KCNJ6: variants seen among roughly 807,000 people sequenced by gnomAD.
KCNJ6 encodes the protein G protein-activated inward rectifier potassium channel 2.
Under a neutral mutation model 34.2 loss-of-function variants are expected in KCNJ6, and 9 were observed. The ratio of observed to expected loss-of-function variants is 0.26; its 90% CI spans 0.16 to 0.46. The LOEUF (loss-of-function observed/expected upper bound fraction) is 0.46. Ranked by LOEUF, KCNJ6 falls within the 20% of genes least tolerant of loss-of-function variation. KCNJ6 has a pLI of 1.00. For synonymous variants in KCNJ6, 196 were observed against 207.1 expected, an observed-to-expected ratio of 0.95 and a Z score of 0.46; for missense variants, 236 against 531.3, an observed-to-expected ratio of 0.44 and a Z score of 5.46.
chr21:37,825,166 T>C (rs919235252), intron 2 of KCNJ6, among the ~76,000 whole-genome samples: 1 of 152,222 alleles, frequency 6.6e-6, no homozygotes, highest in Non-Finnish European at 1.5e-5. Context: ...TTTGGCCATA[T>C]AAAGTTTGGC....
rs183496448 is a variant in KCNJ6 at position 37,662,197 on chromosome 21, A to T, written c.947-36713T>A. Among the ~76,000 whole-genome samples the T allele has an allele frequency of 2.5e-3, 373 of 152,170 alleles. 2 individuals carry two copies. The highest frequency in any genetic ancestry group is 3.9e-3 in the Non-Finnish European group (268 of 68,006). On this transcript the variant is annotated intron_variant, in intron 3 of 3. Coordinates refer to ENST00000609713, the MANE Select transcript of KCNJ6 (RefSeq NM_002240.5). The stretch of plus-strand genomic sequence containing the variant: ...GGTGGTTTGCTGCATCTATCAACCC[A>T]TCACCTAGGTACTAAGCCCAGCAAG...
chr21:37,645,615 C>A (rs2054400621), intron 3 of KCNJ6, among the ~76,000 whole-genome samples: 1 of 151,386 alleles, frequency 6.6e-6, no homozygotes, highest in Non-Finnish European at 1.5e-5. Flanking sequence ...AGTGTTTGAA[C>A]CATGTTTAAT....
intron 3 of KCNJ6, among the ~76,000 whole-genome samples, chr21:37,697,960 G>T (rs936116861): frequency 1.3e-5 from 2 of 152,106 alleles, no homozygotes; most frequent in African/African-American, 4.8e-5. Flanking sequence ...AATAAATGTC[G>T]GTGTGAGGAG....
chr21:37,807,522 T>A (rs546526597), intron 2 of KCNJ6, among the ~76,000 whole-genome samples: 2 of 152,260 alleles, frequency 1.3e-5, no homozygotes, highest in African/African-American at 2.4e-5. Context: ...CGTAAGATTA[T>A]AATACCACAT....
Position 37,625,011 on chromosome 21 carries a change from T to C in KCNJ6, c.*148A>G. The C allele has an allele frequency of 3.1e-6, 2 of 652,094 alleles. No homozygotes were observed. Among genetic ancestry groups the C allele is most frequent in the South Asian group, 1.9e-5 (1 of 51,572 alleles). 40.4% of individuals were successfully genotyped at this position (652,094 alleles called of 1,614,324 possible). ...ACTGAGAGAGGGCAGGTAGATATTT[T>C]ACACCTTGAAGATTTGTTTTCTGGT... On this transcript the variant is annotated 3_prime_UTR_variant, in exon 4 of 4. Coordinates refer to ENST00000609713, the MANE Select transcript of KCNJ6 (RefSeq NM_002240.5).
At chr21:37,903,404 T>C (rs1013937411) in intron 1 of KCNJ6, among the ~76,000 whole-genome samples, 9 of 152,200 alleles carry the variant, frequency 5.9e-5, no homozygotes, top group African/African-American at 1.7e-4. Flanking sequence ...CCCAGCCATA[T>C]GCAACTGTGA....
At chr21:37,801,408 G>C (rs149407149) in intron 2 of KCNJ6, among the ~76,000 whole-genome samples, 73 of 152,300 alleles carry the variant, frequency 4.8e-4, no homozygotes, top group African/African-American at 1.6e-3. Context: ...TGGGACGCTT[G>C]GTTGTCCTGC....
chr21:37,795,437 A>G (rs886269323), intron 2 of KCNJ6, among the ~76,000 whole-genome samples: 1 of 152,136 alleles, frequency 6.6e-6, no homozygotes, highest in Non-Finnish European at 1.5e-5. Flanking sequence ...GTCATGTCCT[A>G]AAGAAAGTAA....
chr21:37,702,432 C>T (rs184350760), intron 3 of KCNJ6, among the ~76,000 whole-genome samples: 153 of 152,088 alleles, frequency 1.0e-3, no homozygotes, highest in African/African-American at 3.2e-3. Context: ...GATGAATCTC[C>T]GATGACGCTG....
At chr21:37,687,808 T>A (rs2054622289) in intron 3 of KCNJ6, among the ~76,000 whole-genome samples, 2 of 152,214 alleles carry the variant, frequency 1.3e-5, no homozygotes, top group Admixed American at 6.5e-5. Flanking sequence ...TGGGATGGAC[T>A]GCACGGGCAT....
At chr21:37,661,540 T>G (rs2123398380) in intron 3 of KCNJ6, among the ~76,000 whole-genome samples, 1 of 150,330 alleles carries the variant, frequency 6.7e-6, no homozygotes, top group South Asian at 2.1e-4. Context: ...TGCCTTAGAC[T>G]ACCAGTAAGT....
At chr21:37,733,279 G>A (rs973713907) in intron 2 of KCNJ6, among the ~76,000 whole-genome samples, 1 of 152,208 alleles carries the variant, frequency 6.6e-6, no homozygotes, top group African/African-American at 2.4e-5. Flanking sequence ...AAAGGCCTAT[G>A]TTTTGCACTT....
rs140156511 is a variant in KCNJ6 at position 37,805,443 on chromosome 21, T to C, written c.25+35215A>G. On this transcript the variant is annotated intron_variant, in intron 2 of 3. Transcript: ENST00000609713. ...ATCTGAGCTGCCTCTTCCTTCCCCA[T>C]TTGGCGTTTGGTGTTATCACTTCCT... Among the ~76,000 whole-genome samples the C allele has an allele frequency of 2.7e-3, 409 of 151,840 alleles. 5 individuals are homozygous for C. The highest frequency in any genetic ancestry group is 9.3e-3 in the African/African-American group (386 of 41,430).
intron 3 of KCNJ6, among the ~76,000 whole-genome samples, chr21:37,648,520 C>A (rs987924833): frequency 6.6e-6 from 1 of 152,182 alleles, no homozygotes; most frequent in African/African-American, 2.4e-5. Flanking sequence ...GAGTGGGGGA[C>A]AAAATCCAGA....
intron 1 of KCNJ6, among the ~76,000 whole-genome samples, chr21:37,896,413 C>T (rs1045534899): frequency 2.0e-5 from 3 of 152,200 alleles, no homozygotes; most frequent in African/African-American, 4.8e-5. Flanking sequence ...GTCTGGTCAT[C>T]GTGCACACAC....
chr21:37,718,414 TGGTTGTGGGAAAGAGCAAA>T (rs1356682343), intron 2 of KCNJ6, among the ~76,000 whole-genome samples: 1 of 152,048 alleles, frequency 6.6e-6, no homozygotes, highest in East Asian at 1.9e-4. Context: ...TCAGGGGGAA[TGGTTGTGGGAAAGAGCAAA>T]GACAGAGAAA....
rs2054525752 is a variant in KCNJ6, at chr21:37,668,232, G to A, written c.947-42748C>T. Among the ~76,000 whole-genome samples the A allele has an allele frequency of 2.0e-5, 3 of 152,264 alleles. No individual in the cohort carries two copies. The South Asian group carries it at 6.2e-4, about 32-fold the overall frequency. On this transcript the variant is annotated intron_variant, in intron 3 of 3. Coordinates refer to ENST00000609713, the MANE Select transcript of KCNJ6 (RefSeq NM_002240.5). ...CAGAGCCCTCTCCAAAACCCATAGA[G>A]GCCTTCAGACCCATGTTCAGCCCCA...
chr21:37,822,353 G>C (rs1164818720), intron 2 of KCNJ6, among the ~76,000 whole-genome samples: 1 of 152,094 alleles, frequency 6.6e-6, no homozygotes, highest in East Asian at 1.9e-4. Context: ...GGGGAAGGTG[G>C]GGGTGCTGCC....
At chr21:37,769,091 C>G (rs1173467817) in intron 2 of KCNJ6, among the ~76,000 whole-genome samples, 1 of 152,198 alleles carries the variant, frequency 6.6e-6, no homozygotes, top group African/African-American at 2.4e-5. Flanking sequence ...TTGTTCAGCT[C>G]TTCAGATGCT....
Sources: gnomAD v4.1 joint callset for allele counts (sites outside exome capture counted in the v4.1 genomes callset) on GRCh38, gnomAD v4.1.1 for gene constraint, MANE v1.5 for transcripts, NCBI Gene and HGNC (gene_info 2026-07-23, HGNC 2026-07-21) for gene names.